UBXN2A: variants seen among roughly 807,000 people sequenced by gnomAD.
The protein encoded by UBXN2A is UBX domain protein 2A.
UBXN2A carries 28 observed loss-of-function variants against 28.4 expected under a neutral mutation model. The observed-to-expected ratio is 0.99, with a 90% CI of 0.73 to 1.35. The LOEUF (loss-of-function observed/expected upper bound fraction) is 1.35. UBXN2A is among the 40% of genes most tolerant of loss of function. UBXN2A has a pLI of 0.00. For synonymous variants in UBXN2A, 97 were observed against 103.6 expected, an observed-to-expected ratio of 0.94 and a Z score of 0.39; for missense variants, 253 against 297.9, an observed-to-expected ratio of 0.85 and a Z score of 1.11.
intron 1 of UBXN2A, among the ~76,000 whole-genome samples, chr2:23,947,855 T>A (rs1266193304): frequency 6.6e-6 from 1 of 152,126 alleles, no homozygotes; most frequent in African/African-American, 2.4e-5. Flanking sequence ...CATTTTTTTT[T>A]AAGTTTTTGT....
intron 1 of UBXN2A, among the ~76,000 whole-genome samples, chr2:23,941,746 C>G (rs1705767118): frequency 6.6e-6 from 1 of 152,148 alleles, no homozygotes; most frequent in Non-Finnish European, 1.5e-5. Context: ...TGCCTTTAGA[C>G]TCTACAGTGT....
intron 3 of UBXN2A, among the ~76,000 whole-genome samples, chr2:23,975,647 C>T (rs1479846371): frequency 2.0e-5 from 3 of 151,994 alleles, no homozygotes; most frequent in South Asian, 2.1e-4. Context: ...TTTCTTTTTT[C>T]GTTTTTTTAA....
chr2:23,973,949 T>C (rs1707535086), intron 3 of UBXN2A, among the ~76,000 whole-genome samples: 2 of 151,094 alleles, frequency 1.3e-5, no homozygotes, highest in Admixed American at 1.3e-4. Flanking sequence ...AGATATTTTC[T>C]AATAATGAAT....
At chr2:23,943,533 G>A (rs1192099343) in intron 1 of UBXN2A, among the ~76,000 whole-genome samples, 1 of 152,094 alleles carries the variant, frequency 6.6e-6, no homozygotes, top group Non-Finnish European at 1.5e-5. Flanking sequence ...TGCCACCCAG[G>A]TTGGAGTGCA....
intron 4 of UBXN2A, among the ~76,000 whole-genome samples, chr2:23,978,361 C>G (rs1707757952): frequency 1.3e-5 from 2 of 152,044 alleles, no homozygotes; most frequent in Non-Finnish European, 2.9e-5. Context: ...TTAAAAGAAT[C>G]TGCCGGGCAC....
intron 2 of UBXN2A, 111 bp downstream of exon 2, chr2:23,958,466 C>A: frequency 2.0e-6 from 2 of 994,410 alleles, no homozygotes; most frequent in Non-Finnish European, 1.4e-6. Context: ...TTATGTATGA[C>A]TACTTCATTG....
intron 1 of UBXN2A, among the ~76,000 whole-genome samples, chr2:23,941,853 A>G (rs1242318572): frequency 6.6e-6 from 1 of 152,164 alleles, no homozygotes; most frequent in Non-Finnish European, 1.5e-5. Context: ...TGGGCAGATC[A>G]CCTGAGGTCA....
At chr2:23,985,447 C>G (rs1355548626) in intron 6 of UBXN2A, among the ~76,000 whole-genome samples, 4 of 151,976 alleles carry the variant, frequency 2.6e-5, no homozygotes, top group African/African-American at 9.7e-5. Context: ...CGGGGTTTCA[C>G]CAGGAGTTTG....
intron 4 of UBXN2A, 98 bp downstream of exon 4, chr2:23,977,173 G>T: frequency 1.1e-6 from 1 of 893,604 alleles, no homozygotes. Context: ...AGGCCAGCCG[G>T]GGAACATAGC....
intron 4 of UBXN2A, 91 bp downstream of exon 4, chr2:23,977,166 C>A: frequency 3.0e-6 from 3 of 983,618 alleles, no homozygotes; most frequent in Non-Finnish European, 4.7e-6. Flanking sequence ...GAGTTCAAGG[C>A]CAGCCGGGGA....
upstream of UBXN2A, among the ~76,000 whole-genome samples, chr2:23,940,181 C>G (rs1705675496): frequency 6.6e-6 from 1 of 151,038 alleles, no homozygotes; most frequent in African/African-American, 2.4e-5. Context: ...AGGTCAAGTT[C>G]AACATTGTCA....
intron 6 of UBXN2A, among the ~76,000 whole-genome samples, chr2:23,986,751 G>T (rs887831333): frequency 1.3e-5 from 2 of 151,962 alleles, no homozygotes; most frequent in Admixed American, 6.6e-5. Context: ...GGGATTACAG[G>T]CACGTGCCAC....
Position 23,977,339 on chromosome 2 carries a change from G to GGC in UBXN2A, c.287+266_287+267dup, listed in dbSNP as rs1364242696. 17 of 184,054 alleles carry GGC rather than the reference G, an allele frequency of 9.2e-5. No individual in the cohort carries two copies. In the East Asian group the frequency reaches 1.8e-3, roughly 20 times the overall value. 11.4% of individuals were successfully genotyped at this position (184,054 alleles called of 1,614,324 possible). On this transcript the variant is annotated intron_variant, in intron 4 of 6. Coordinates refer to ENST00000309033, the MANE Select transcript of UBXN2A (RefSeq NM_181713.4). ...GATGCCCTGTCTCCAAAAAAAAAAAGGCGGGGGTCGGGGGGGTGGGGGTGG... is the reference window on the plus strand; with the variant it reads ...GATGCCCTGTCTCCAAAAAAAAAAAGGCGCGGGGGTCGGGGGGGTGGGGGTGG...
chr2:23,935,671 G>A (rs1486767265), upstream of UBXN2A, among the ~76,000 whole-genome samples: 1 of 152,170 alleles, frequency 6.6e-6, no homozygotes, highest in East Asian at 1.9e-4. Flanking sequence ...ATGTAAGATG[G>A]TGCTGCTATT....
At chr2:23,991,406 T>TAC (rs371442810) in intron 6 of UBXN2A, among the ~76,000 whole-genome samples, 10,128 of 148,488 alleles carry the variant, frequency 0.068, 401 homozygotes, top group African/African-American at 0.11. Context: ...TTTTATTTTA[T>TAC]ACACACACAC....
chr2:23,971,855 T>C (rs1707436485), intron 3 of UBXN2A, among the ~76,000 whole-genome samples: 1 of 151,900 alleles, frequency 6.6e-6, no homozygotes, highest in African/African-American at 2.4e-5. Context: ...TCCCAGCACT[T>C]TAGGAGACTG....
intron 6 of UBXN2A, among the ~76,000 whole-genome samples, chr2:23,989,778 C>T (rs1373005214): frequency 6.6e-6 from 1 of 151,992 alleles, no homozygotes; most frequent in African/African-American, 2.4e-5. Context: ...TGGCACTCAC[C>T]TGTGGTCTCA....
intron 2 of UBXN2A, among the ~76,000 whole-genome samples, chr2:23,965,546 C>T (rs1707126657): frequency 6.6e-6 from 1 of 152,216 alleles, no homozygotes; most frequent in Admixed American, 6.5e-5. Context: ...ACCACTGCAG[C>T]CTCGCATACC....
upstream of UBXN2A, among the ~76,000 whole-genome samples, chr2:23,937,260 T>C (rs1705557782): frequency 6.6e-6 from 1 of 152,126 alleles, no homozygotes; most frequent in African/African-American, 2.4e-5. Context: ...TAAATAAAAC[T>C]ATGGCCAAGT....
Sources: allele counts gnomAD v4.1 joint callset (sites outside exome capture counted in the v4.1 genomes callset), GRCh38; gene constraint gnomAD v4.1.1; transcripts MANE v1.5; gene names NCBI Gene and HGNC (gene_info 2026-07-23, HGNC 2026-07-21).